FAT3: variants seen among roughly 807,000 people sequenced by gnomAD.
FAT3 encodes FAT atypical cadherin 3, also known as protocadherin Fat 3.
FAT3 carries 95 observed loss-of-function variants against 310.2 expected under a neutral mutation model. That is an observed-to-expected ratio of 0.31 (90% confidence interval 0.26 to 0.36). FAT3 has a LOEUF of 0.36. Among genes scored for constraint, FAT3 ranks in the 10% least tolerant of loss-of-function variants. The probability of loss-of-function intolerance (pLI) is 1.00; values close to 1 mark genes in which losing one functional copy is unlikely to be tolerated. For missense variants in FAT3, 5,408 were observed against 5,715.6 expected (o/e 0.95, Z 1.74); for synonymous variants, 2,314 against 2,192.9 (o/e 1.06, Z -1.54).
intron 4 of FAT3, among the ~76,000 whole-genome samples, chr11:92,716,085 C>T (rs1454012991): frequency 1.3e-5 from 2 of 152,116 alleles, no homozygotes; most frequent in African/African-American, 4.8e-5. Context: ...TAGAAGGAGT[C>T]TGGGATCAGA....
intron 2 of FAT3, among the ~76,000 whole-genome samples, chr11:92,407,079 G>T (rs1317195251): frequency 6.6e-6 from 1 of 152,192 alleles, no homozygotes; most frequent in African/African-American, 2.4e-5. Context: ...TGTTCTAGCT[G>T]CCAGATACCA....
chr11:92,257,208 C>G (rs761820587), intron 1 of FAT3, among the ~76,000 whole-genome samples: 1 of 152,108 alleles, frequency 6.6e-6, no homozygotes. Flanking sequence ...GCATAAAAGC[C>G]TGATGTGATC....
chr11:92,808,588 G>T (rs1253780146), intron 12 of FAT3, among the ~76,000 whole-genome samples: 2 of 152,178 alleles, frequency 1.3e-5, no homozygotes, highest in Non-Finnish European at 2.9e-5. Context: ...CTGAGAACTG[G>T]CTGGCCATAG....
At chr11:92,374,612 A>G (rs1296226220) in intron 2 of FAT3, among the ~76,000 whole-genome samples, 1 of 152,252 alleles carries the variant, frequency 6.6e-6, no homozygotes, top group Non-Finnish European at 1.5e-5. Flanking sequence ...AATTTGAAGT[A>G]CACAATTATA....
intron 1 of FAT3, among the ~76,000 whole-genome samples, chr11:92,321,211 C>T (rs962767021): frequency 6.6e-6 from 1 of 151,916 alleles, no homozygotes; most frequent in Non-Finnish European, 1.5e-5. Context: ...CCAAGGCAGG[C>T]GGATCATGAG....
intron 4 of FAT3, among the ~76,000 whole-genome samples, chr11:92,747,931 C>G (rs919442882): frequency 2.0e-5 from 3 of 152,192 alleles, no homozygotes; most frequent in Admixed American, 2.0e-4. Context: ...TCCAAACTTT[C>G]CCACATTGTT....
intron 2 of FAT3, among the ~76,000 whole-genome samples, chr11:92,360,394 C>T (rs1948848994): frequency 6.6e-6 from 1 of 152,280 alleles, no homozygotes; most frequent in East Asian, 1.9e-4. Flanking sequence ...GGGGCCTCCC[C>T]AACTATAGTG....
At chr11:92,402,267 A>G (rs976105736) in intron 2 of FAT3, among the ~76,000 whole-genome samples, 1 of 152,230 alleles carries the variant, frequency 6.6e-6, no homozygotes, top group Non-Finnish European at 1.5e-5. Flanking sequence ...GAACTTGAAG[A>G]TAAGTTAATA....
At chr11:92,454,338 C>G (rs933122321) in intron 2 of FAT3, among the ~76,000 whole-genome samples, 1 of 152,110 alleles carries the variant, frequency 6.6e-6, no homozygotes, top group Non-Finnish European at 1.5e-5. Context: ...ATTCTAGTTG[C>G]AAAAACATGG....
chr11:92,530,695 A>G (rs1234216839), intron 3 of FAT3, among the ~76,000 whole-genome samples: 2 of 152,106 alleles, frequency 1.3e-5, no homozygotes, highest in African/African-American at 4.8e-5. Flanking sequence ...ACTTTAATGA[A>G]TCAACAAACA....
chr11:92,242,582 T>G (rs1864711867), intron 1 of FAT3, among the ~76,000 whole-genome samples: 1 of 152,014 alleles, frequency 6.6e-6, no homozygotes, highest in Non-Finnish European at 1.5e-5. Flanking sequence ...AATAAATCAC[T>G]GTTCTTGACC....
chr11:92,748,901 T>G (rs562500136), intron 4 of FAT3: 1 of 152,372 alleles, frequency 6.6e-6, no homozygotes, highest in Admixed American at 6.5e-5. Flanking sequence ...AGATCTACCC[T>G]TTAATTTACT....
At chr11:92,515,271 A>G (rs1337356111) in intron 2 of FAT3, among the ~76,000 whole-genome samples, 2 of 152,154 alleles carry the variant, frequency 1.3e-5, no homozygotes, top group Non-Finnish European at 2.9e-5. Flanking sequence ...TGTCACAGAC[A>G]TTTATATTCT....
chr11:92,379,621 T>C (rs1279207439), intron 2 of FAT3, among the ~76,000 whole-genome samples: 1 of 152,208 alleles, frequency 6.6e-6, no homozygotes, highest in Non-Finnish European at 1.5e-5. Flanking sequence ...GAGGCTCTTA[T>C]GAACAAGTGA....
At chr11:92,679,841 C>CAAAAAAAAAAAAAAAA (rs71064721) in intron 3 of FAT3, among the ~76,000 whole-genome samples, 1 of 57,252 alleles carries the variant, frequency 1.7e-5, no homozygotes, top group Non-Finnish European at 3.3e-5. Context: ...GACTCCATCT[C>CAAAAAAAAAAAAAAAA]AAAAAAAAAA....
chr11:92,886,027 C>A lies in FAT3; in HGVS notation c.12938-973C>A, dbSNP rs78855598. ...AGAGGAACAAATGTTCCTTTAATCACAAGTCTGTATCTCTTTGTACCATTG... is the reference window on the plus strand; with the variant it reads ...AGAGGAACAAATGTTCCTTTAATCAAAAGTCTGTATCTCTTTGTACCATTG... On this transcript the variant is annotated intron_variant, in intron 24 of 27. Transcript: ENST00000525166. 7.4e-3 allele frequency among the ~76,000 whole-genome samples: 1,130 copies of A among 152,292 alleles called. 15 individuals are homozygous for A. The highest frequency in any genetic ancestry group is 0.026 in the African/African-American group (1,081 of 41,556).
intron 6 of FAT3, among the ~76,000 whole-genome samples, chr11:92,766,181 C>A (rs751531368): frequency 8.7e-4 from 132 of 152,198 alleles, no homozygotes; most frequent in Non-Finnish European, 6.8e-4. Flanking sequence ...AGCCCTATGG[C>A]CCTTGACAAA....
At chr11:92,246,377 A>T (rs1303052763) in intron 1 of FAT3, among the ~76,000 whole-genome samples, 1 of 152,104 alleles carries the variant, frequency 6.6e-6, no homozygotes, top group Non-Finnish European at 1.5e-5. Flanking sequence ...TGCACCATGC[A>T]CTGAAAAGGG....
chr11:92,711,719 TGCATATTAATTCA>T (rs1944528284), intron 4 of FAT3, among the ~76,000 whole-genome samples: 1 of 152,252 alleles, frequency 6.6e-6, no homozygotes, highest in Admixed American at 6.5e-5. Flanking sequence ...AAAAGAGTAC[TGCATATTAATTCA>T]TGTCCTTTGA....
Sources: gnomAD v4.1 joint callset for allele counts (sites outside exome capture counted in the v4.1 genomes callset) on GRCh38, gnomAD v4.1.1 for gene constraint, MANE v1.5 for transcripts, NCBI Gene and HGNC (gene_info 2026-07-23, HGNC 2026-07-21) for gene names.